The following IGF1R variants were observed in gnomAD, a reference collection of about 807,000 sequenced individuals.
IGF1R encodes the protein insulin like growth factor 1 receptor, also known as insulin-like growth factor 1 receptor.
In IGF1R, 44 loss-of-function variants were observed where a neutral mutation model predicts 144.6. That is an observed-to-expected ratio of 0.30 (90% confidence interval 0.24 to 0.39). The LOEUF (loss-of-function observed/expected upper bound fraction) is 0.39, where lower values mean the gene tolerates loss of function less well. Ranked by LOEUF, IGF1R falls within the 10% of genes least tolerant of loss-of-function variation. IGF1R has a pLI of 1.00. For synonymous variants in IGF1R, 795 were observed against 722.8 expected (o/e 1.10, Z -1.60); for missense variants, 1,355 against 1,833.7 (o/e 0.74, Z 4.77).
At chr15:98,851,891 T>A (rs902126078) in intron 2 of IGF1R, among the ~76,000 whole-genome samples, 1 of 152,314 alleles carries the variant, frequency 6.6e-6, no homozygotes, top group Non-Finnish European at 1.5e-5. Context: ...AGATCACAGC[T>A]CCAGGAACTT....
intron 2 of IGF1R, among the ~76,000 whole-genome samples, chr15:98,724,485 A>G (rs761435379): frequency 5.9e-5 from 9 of 152,166 alleles, no homozygotes; most frequent in East Asian, 1.9e-4. Flanking sequence ...GGATCTGCCT[A>G]TTGCACTGGG....
chr15:98,784,840 A>G (rs1353212326), intron 2 of IGF1R, among the ~76,000 whole-genome samples: 2 of 152,194 alleles, frequency 1.3e-5, no homozygotes, highest in Admixed American at 6.5e-5. Flanking sequence ...GACGATGTGC[A>G]TACGTTATAT....
intron 2 of IGF1R, among the ~76,000 whole-genome samples, chr15:98,739,272 T>G (rs903575821): frequency 1.1e-4 from 16 of 152,196 alleles, no homozygotes; most frequent in Non-Finnish European, 2.9e-5. Context: ...CCTCTTTCTC[T>G]GCATGCTCTG....
chr15:98,668,867 C>T (rs757245581), intron 1 of IGF1R, among the ~76,000 whole-genome samples: 1 of 152,248 alleles, frequency 6.6e-6, no homozygotes, highest in Non-Finnish European at 1.5e-5. Flanking sequence ...CCACAGAAGA[C>T]AGACTTACTG....
At chr15:98,777,098 C>T (rs895980419) in intron 2 of IGF1R, among the ~76,000 whole-genome samples, 2 of 152,136 alleles carry the variant, frequency 1.3e-5, no homozygotes, top group East Asian at 1.9e-4. Context: ...GTCTGTTTCC[C>T]GGGGTGTGCT....
intron 1 of IGF1R, among the ~76,000 whole-genome samples, chr15:98,669,627 G>A (rs944216558): frequency 6.6e-6 from 1 of 152,222 alleles, no homozygotes; most frequent in Non-Finnish European, 1.5e-5. Context: ...CCAGGCTTGA[G>A]CAGTGGGTGA....
intron 2 of IGF1R, among the ~76,000 whole-genome samples, chr15:98,738,021 C>T (rs1203695567): frequency 1.3e-5 from 2 of 152,212 alleles, no homozygotes; most frequent in African/African-American, 2.4e-5. Flanking sequence ...TCTAGGCAGG[C>T]TGTTTCCGCT....
At chr15:98,916,974 G>T (rs756193942) in intron 10 of IGF1R, 98 bp downstream of exon 10, 4 of 1,035,064 alleles carry the variant, frequency 3.9e-6, no homozygotes, top group East Asian at 2.4e-5. Context: ...TCAGCAGCTG[G>T]GGGGTACAAT....
rs1026656046 is a variant in IGF1R, at chr15:98,962,770, G to C, written c.*5328G>C. 8.6e-6 allele frequency: 2 copies of C among 233,422 alleles called. No individual in the cohort carries two copies. Among genetic ancestry groups the C allele is most frequent in the African/African-American group, 4.4e-5 (2 of 45,346 alleles). 14.5% of individuals were successfully genotyped at this position (233,422 alleles called of 1,614,324 possible). A position where few individuals can be genotyped will look rare whatever the true frequency, so the allele number is the denominator to read the frequency against. ...AGCTATCAGACCACATCGAGGCTCA[G>C]CAGTCATCCGTGGGCATTTGGTTTC... On this transcript the variant is annotated 3_prime_UTR_variant, in exon 21 of 21. Coordinates refer to ENST00000650285, the MANE Select transcript of IGF1R (RefSeq NM_000875.5).
intron 1 of IGF1R, among the ~76,000 whole-genome samples, chr15:98,694,669 G>A (rs1447348276): frequency 6.6e-6 from 1 of 152,130 alleles, no homozygotes; most frequent in Non-Finnish European, 1.5e-5. Flanking sequence ...GTTCTCAACT[G>A]GAACTTGTAA....
chr15:98,670,918 T>C (rs2052872998), intron 1 of IGF1R, among the ~76,000 whole-genome samples: 1 of 152,220 alleles, frequency 6.6e-6, no homozygotes, highest in African/African-American at 2.4e-5. Context: ...ACTGGAAATA[T>C]TTCACAAGCT....
intron 15 of IGF1R, among the ~76,000 whole-genome samples, chr15:98,931,004 C>G (rs2015919391): frequency 1.3e-5 from 2 of 152,308 alleles, no homozygotes; most frequent in South Asian, 4.1e-4. Context: ...TTAACTGGCA[C>G]TTTGCTAGGG....
intron 2 of IGF1R, among the ~76,000 whole-genome samples, chr15:98,885,171 C>A (rs1281344477): frequency 6.6e-6 from 1 of 152,224 alleles, no homozygotes; most frequent in Non-Finnish European, 1.5e-5. Context: ...TGTCCTCAGG[C>A]TGTGAGCCCT....
intron 2 of IGF1R, among the ~76,000 whole-genome samples, chr15:98,882,254 C>G (rs2013422128): frequency 6.6e-6 from 1 of 152,240 alleles, no homozygotes; most frequent in Admixed American, 6.5e-5. Flanking sequence ...AAGCAGCACT[C>G]ACTTCCCCTG....
intron 2 of IGF1R, among the ~76,000 whole-genome samples, chr15:98,733,788 A>G (rs191585812): frequency 6.6e-6 from 1 of 152,180 alleles, no homozygotes; most frequent in African/African-American, 2.4e-5. Context: ...TGGGATCCCA[A>G]ATAATCTACT....
intron 2 of IGF1R, among the ~76,000 whole-genome samples, chr15:98,740,077 G>A (rs1028050142): frequency 2.6e-5 from 4 of 152,230 alleles, no homozygotes; most frequent in African/African-American, 7.2e-5. Flanking sequence ...TTCAGAGCAT[G>A]CGTAGATAGT....
At chr15:98,923,322 A>G (rs577465174) in intron 11 of IGF1R, among the ~76,000 whole-genome samples, 1 of 152,382 alleles carries the variant, frequency 6.6e-6, no homozygotes, top group Admixed American at 6.5e-5. Flanking sequence ...CCAGCCTCCT[A>G]GCAGCTTCCT....
intron 1 of IGF1R, among the ~76,000 whole-genome samples, chr15:98,656,680 A>G (rs2052493362): frequency 6.6e-6 from 1 of 152,052 alleles, no homozygotes; most frequent in African/African-American, 2.4e-5. Context: ...TCTTGCGGGG[A>G]GGAGTTTGAA....
At chr15:98,886,264 T>A (rs2013635765) in intron 2 of IGF1R, among the ~76,000 whole-genome samples, 1 of 152,154 alleles carries the variant, frequency 6.6e-6, no homozygotes, top group African/African-American at 2.4e-5. Context: ...AGTTAAAGGC[T>A]GATGTGTGTG....
Sources: gnomAD v4.1 joint callset for allele counts (sites outside exome capture counted in the v4.1 genomes callset) on GRCh38, gnomAD v4.1.1 for gene constraint, MANE v1.5 for transcripts, NCBI Gene and HGNC (gene_info 2026-07-23, HGNC 2026-07-21) for gene names.